Variants in C5 observed in about 807,000 individuals in gnomAD.
C5 encodes the protein complement C5, also known as C3 and PZP-like alpha-2-macroglobulin domain-containing protein 4.
C5 carries 140 observed loss-of-function variants against 218.8 expected under a neutral mutation model. The ratio of observed to expected loss-of-function variants is 0.64; its 90% CI spans 0.56 to 0.74. C5 has a LOEUF of 0.74. Ranked by LOEUF, C5 falls within the 30% of genes least tolerant of loss-of-function variation. The probability of loss-of-function intolerance (pLI) is 0.00; values close to 1 mark genes in which losing one functional copy is unlikely to be tolerated. For synonymous variants in C5, 614 were observed against 682.3 expected (o/e 0.90, Z 1.56); for missense variants, 1,700 against 1,969.6 (o/e 0.86, Z 2.59).
At chr9:120,967,416 T>C (rs924858423) in intron 33 of C5, among the ~76,000 whole-genome samples, 7 of 152,210 alleles carry the variant, frequency 4.6e-5, no homozygotes, top group African/African-American at 1.7e-4. Context: ...AAGAGGATTA[T>C]GATATCATCC....
intron 17 of C5, among the ~76,000 whole-genome samples, chr9:121,012,723 T>C (rs890046054): frequency 3.3e-5 from 5 of 152,190 alleles, no homozygotes; most frequent in African/African-American, 1.2e-4. Flanking sequence ...TGGAGCGTAC[T>C]TACACTAATC....
intron 11 of C5, among the ~76,000 whole-genome samples, chr9:121,021,273 G>A (rs2047362969): frequency 6.6e-6 from 1 of 152,132 alleles, no homozygotes; most frequent in Non-Finnish European, 1.5e-5. Flanking sequence ...TGGTCTTAAC[G>A]GTGTAAGATA....
chr9:120,979,978 G>A, intron 28 of C5, 105 bp downstream of exon 28: 1 of 927,542 alleles, frequency 1.1e-6, no homozygotes, highest in East Asian at 2.4e-5. Context: ...TTGAGGACAG[G>A]AATTGCATCT....
intron 27 of C5, among the ~76,000 whole-genome samples, chr9:120,980,562 A>T (rs2046984659): frequency 6.6e-6 from 1 of 152,190 alleles, no homozygotes; most frequent in Non-Finnish European, 1.5e-5. Context: ...CTCCAGGAAG[A>T]AAAGGCACCG....
At position 120,976,689 on chromosome 9, in the gene C5, A is replaced by G. The variant is rs765224699; in HGVS notation, c.3864+11T>C. ...TCTACAGGGAGATGAAACAAGACAA[A>G]GAAATGTTACCTGGGTTGAATAAAA... On this transcript the variant is annotated intron_variant, in intron 29 of 40. Coordinates refer to ENST00000223642, the MANE Select transcript of C5 (RefSeq NM_001735.3). The G allele has an allele frequency of 1.9e-6, 3 of 1,610,102 alleles. No homozygotes were observed. The African/African-American group carries it at 4.0e-5, about 22-fold the overall frequency.
At chr9:121,003,963 G>C (rs1409581272) in intron 20 of C5, among the ~76,000 whole-genome samples, 1 of 152,078 alleles carries the variant, frequency 6.6e-6, no homozygotes, top group East Asian at 1.9e-4. Context: ...CCGCCTCCCG[G>C]GTTCACGCCA....
chr9:121,036,207 T>A (rs2047523125), intron 4 of C5, among the ~76,000 whole-genome samples: 1 of 152,222 alleles, frequency 6.6e-6, no homozygotes, highest in Non-Finnish European at 1.5e-5. Context: ...GAATTATACT[T>A]GTAGCTGAGT....
At position 121,020,058 on chromosome 9, in the gene C5, G is replaced by A. The variant is rs151271738; in HGVS notation, c.1424C>T (p.Ala475Val). The part of the protein sequence containing the change: ...LYIDWTDNHK[A>V]LLVGEHLNII... Reference sequence around the variant, plus strand: ...ATTCAGATGTTCTCCCACTAGCAAAGCCTTATGGTTATCAGTCCAATCAAT... The same window carrying A: ...ATTCAGATGTTCTCCCACTAGCAAAACCTTATGGTTATCAGTCCAATCAAT... The change falls in exon 12 of 41, where the codon GCT becomes GTT. Residue 475 changes from alanine (A) to valine (V), a missense_variant. By Grantham distance (64) the Ala-to-Val change is moderately conservative. Coordinates refer to ENST00000223642, the MANE Select transcript of C5 (RefSeq NM_001735.3). The A allele has an allele frequency of 1.1e-4, 172 of 1,613,050 alleles. No homozygotes were observed. Among genetic ancestry groups the A allele is most frequent in the Middle Eastern group, 3.3e-4 (2 of 6,084 alleles).
chr9:121,070,716 G>T, the C5 span, among the ~76,000 whole-genome samples: 1 of 151,712 alleles, frequency 6.6e-6, no homozygotes, highest in African/African-American at 2.4e-5. Context: ...GGATACTAAA[G>T]GTTGGGAAGG....
the C5 span, among the ~76,000 whole-genome samples, chr9:121,072,315 A>T: frequency 0.025 from 3,744 of 152,256 alleles, 151 homozygotes; most frequent in African/African-American, 0.086. Context: ...ACATCAGCAC[A>T]CCACGGCTTG....
intron 22 of C5, among the ~76,000 whole-genome samples, chr9:120,995,692 C>A (rs1181777344): frequency 6.6e-6 from 1 of 151,722 alleles, no homozygotes; most frequent in Non-Finnish European, 1.5e-5. Flanking sequence ...GGAAGTCATG[C>A]AATTGTTACT....
chr9:121,066,374 TA>T, the C5 span, among the ~76,000 whole-genome samples: 1 of 134,670 alleles, frequency 7.4e-6, no homozygotes, highest in Non-Finnish European at 1.6e-5. Flanking sequence ...GACTGAAAAT[TA>T]AAAAAAAGAA....
intron 17 of C5, among the ~76,000 whole-genome samples, chr9:121,010,346 C>A (rs552223110): frequency 4.8e-4 from 73 of 152,060 alleles, no homozygotes; most frequent in African/African-American, 1.7e-3. Context: ...CAATAATGAA[C>A]AATGTGAAAA....
At chr9:120,995,180 A>G (rs2047107267) in intron 22 of C5, among the ~76,000 whole-genome samples, 1 of 152,230 alleles carries the variant, frequency 6.6e-6, no homozygotes, top group African/African-American at 2.4e-5. Flanking sequence ...CAGATGAATT[A>G]AAGTGTAAAG....
In C5 at chr9:120,980,173, T is replaced by C. The variant is rs1338121809; in HGVS notation, c.3568A>G (p.Ile1190Val). 4 of 1,614,114 alleles carry C rather than the reference T, an allele frequency of 2.5e-6. No homozygotes were observed. The highest frequency in any genetic ancestry group is 3.4e-6 in the Non-Finnish European group (4 of 1,180,002). ...LPAQSTFTLAISAYALSLGDK... is the reference protein window; with the variant it reads ...LPAQSTFTLAVSAYALSLGDK... Reference sequence around the variant, plus strand: ...CCCAGGGAAAGAGCATACGCAGAAATGGCCAATGTAAAGGTGCTCTGGGCT... The same window carrying C: ...CCCAGGGAAAGAGCATACGCAGAAACGGCCAATGTAAAGGTGCTCTGGGCT... Residue 1190 changes from isoleucine to valine, a missense_variant, in exon 28 of 41, where the codon ATT becomes GTT. Physicochemically the swap from Ile to Val is conservative, Grantham distance 29. Transcript: ENST00000223642.
chr9:120,975,219 G>C (rs778401275), intron 29 of C5, among the ~76,000 whole-genome samples: 2 of 152,136 alleles, frequency 1.3e-5, no homozygotes, highest in Non-Finnish European at 2.9e-5. Flanking sequence ...GAATTCATCT[G>C]AGTCTTTGAA....
chr9:120,954,239 T>A (rs2046768972), intron 39 of C5, among the ~76,000 whole-genome samples: 1 of 152,244 alleles, frequency 6.6e-6, no homozygotes, highest in Admixed American at 6.5e-5. Context: ...TTATTACTCT[T>A]ATATAACCAG....
chr9:121,001,867 C>T (rs1416473379), intron 20 of C5, among the ~76,000 whole-genome samples: 3 of 152,048 alleles, frequency 2.0e-5, no homozygotes, highest in Non-Finnish European at 4.4e-5. Flanking sequence ...CAAGACAAAA[C>T]ATCTATCCTA....
At chr9:121,048,164 T>A (rs921942732) in intron 1 of C5, among the ~76,000 whole-genome samples, 6 of 152,260 alleles carry the variant, frequency 3.9e-5, no homozygotes, top group African/African-American at 1.4e-4. Context: ...AATTTAGGGA[T>A]ATAAAGCTAC....
Sources: allele counts gnomAD v4.1 joint callset (sites outside exome capture counted in the v4.1 genomes callset), GRCh38; gene constraint gnomAD v4.1.1; transcripts MANE v1.5; gene names NCBI Gene and HGNC (gene_info 2026-07-23, HGNC 2026-07-21).